The following GABRG2 variants were observed in gnomAD, a reference collection of about 807,000 sequenced individuals.
The protein encoded by GABRG2 is gamma-aminobutyric acid receptor subunit gamma-2.
In GABRG2, 16 loss-of-function variants were observed where a neutral mutation model predicts 56.4. The observed-to-expected ratio is 0.28, with a 90% CI of 0.19 to 0.43. GABRG2 has a LOEUF of 0.43. Among genes scored for constraint, GABRG2 ranks in the 20% least tolerant of loss-of-function variants. The pLI, the probability that GABRG2 is intolerant of heterozygous loss-of-function variation, is 1.00. For synonymous variants in GABRG2, 208 were observed against 205.5 expected, an observed-to-expected ratio of 1.01 and a Z score of -0.10; for missense variants, 327 against 582.7, an observed-to-expected ratio of 0.56 and a Z score of 4.52.
At chr5:162,110,604 T>C (rs2113415707) in intron 6 of GABRG2, among the ~76,000 whole-genome samples, 2 of 152,028 alleles carry the variant, frequency 1.3e-5, no homozygotes, top group South Asian at 4.1e-4. Context: ...TTAATGGTAC[T>C]TTTTAAATTG....
chr5:162,153,332 T>C lies in GABRG2; in HGVS notation c.1392T>C (p.Phe464=). 1 of 1,614,052 alleles carries C rather than the reference T, an allele frequency of 6.2e-7. No homozygotes were observed. Among genetic ancestry groups the C allele is most frequent in the South Asian group, 1.1e-5 (1 of 91,082 alleles). The change falls in exon 10 of 10, where the codon TTT becomes TTC. Residue 464 remains phenylalanine (F), a synonymous_variant. Coordinates refer to ENST00000639213, the MANE Select transcript of GABRG2 (RefSeq NM_198904.4). ...RIFFPTAFCL[F]NLVYWVSYLY... ...TCTTCCCCACTGCCTTCTGCCTGTT[T>C]AATCTGGTCTATTGGGTCTCCTACC... is the stretch of plus-strand genomic sequence containing the variant.
At chr5:162,130,317 G>A (rs1014152208) in intron 6 of GABRG2, among the ~76,000 whole-genome samples, 3 of 151,814 alleles carry the variant, frequency 2.0e-5, no homozygotes, top group African/African-American at 7.3e-5. Context: ...TTGACATCTT[G>A]GGGAACATTT....
chr5:162,078,036 G>T lies in GABRG2; in HGVS notation c.107+9930G>T, dbSNP rs138908275. Among the ~76,000 whole-genome samples, 403 of 152,166 alleles carry T rather than the reference G, an allele frequency of 2.6e-3. 3 individuals are homozygous for T. Among genetic ancestry groups the T allele is most frequent in the African/African-American group, 7.9e-3 (326 of 41,524 alleles). ...CCATCGCTTCTGTCATATGCTGTTGGTGATACAGACCTATCCTGATGTATA... is the reference window on the plus strand; with the variant it reads ...CCATCGCTTCTGTCATATGCTGTTGTTGATACAGACCTATCCTGATGTATA... On this transcript the variant is annotated intron_variant, in intron 1 of 9. Transcript: ENST00000639213.
At chr5:162,068,429 C>G (rs1758397663) in intron 1 of GABRG2, among the ~76,000 whole-genome samples, 1 of 151,716 alleles carries the variant, frequency 6.6e-6, no homozygotes, top group Non-Finnish European at 1.5e-5. Context: ...TGTGCTGATA[C>G]ACGCCGGCAT....
intron 3 of GABRG2, 72 bp from the exon 4 acceptor site, chr5:162,097,566 T>C: frequency 8.6e-7 from 1 of 1,168,928 alleles, no homozygotes; most frequent in Admixed American, 1.7e-5. Context: ...AAAACAGGAA[T>C]GAAATATACC....
chr5:162,075,078 A>G (rs1347152062), intron 1 of GABRG2, among the ~76,000 whole-genome samples: 1 of 152,150 alleles, frequency 6.6e-6, no homozygotes, highest in African/African-American at 2.4e-5. Context: ...TTAAACTTCT[A>G]TCACCTAGCT....
intron 6 of GABRG2, among the ~76,000 whole-genome samples, chr5:162,104,245 A>T (rs948672220): frequency 6.6e-6 from 1 of 152,208 alleles, no homozygotes. Flanking sequence ...AAATTGGATT[A>T]GTAAATTATT....
At chr5:162,074,047 T>C (rs1221994321) in intron 1 of GABRG2, among the ~76,000 whole-genome samples, 1 of 151,960 alleles carries the variant, frequency 6.6e-6, no homozygotes, top group East Asian at 1.9e-4. Flanking sequence ...GTAAAAGTCC[T>C]CTCTAACTTG....
At chr5:162,126,379 A>T (rs1212574307) in intron 6 of GABRG2, among the ~76,000 whole-genome samples, 5 of 151,982 alleles carry the variant, frequency 3.3e-5, no homozygotes, top group African/African-American at 1.2e-4. Context: ...TGATAAATGG[A>T]AAAGCCTATG....
chr5:162,144,448 C>G (rs1764811654), intron 7 of GABRG2, among the ~76,000 whole-genome samples: 1 of 152,148 alleles, frequency 6.6e-6, no homozygotes, highest in Admixed American at 6.5e-5. Flanking sequence ...AAGAAGGGAT[C>G]AAAGTGAGTG....
intron 8 of GABRG2, chr5:162,150,291 G>C (rs1227429416): frequency 2.0e-5 from 3 of 152,150 alleles, no homozygotes; most frequent in South Asian, 4.1e-4. Context: ...CTCTACACAT[G>C]AATGTACTTA....
chr5:162,131,575 A>G (rs945521480), intron 6 of GABRG2, among the ~76,000 whole-genome samples: 1 of 151,964 alleles, frequency 6.6e-6, no homozygotes, highest in Admixed American at 6.6e-5. Flanking sequence ...TAAACAAGGA[A>G]TGAAATAAGC....
intron 1 of GABRG2, among the ~76,000 whole-genome samples, chr5:162,071,660 A>G (rs1236682712): frequency 1.3e-5 from 2 of 151,986 alleles, no homozygotes; most frequent in African/African-American, 4.8e-5. Context: ...GCATGTAGAA[A>G]AAAATATTTT....
intron 7 of GABRG2, among the ~76,000 whole-genome samples, chr5:162,145,359 G>T (rs1167164396): frequency 1.3e-5 from 2 of 152,150 alleles, no homozygotes; most frequent in Non-Finnish European, 2.9e-5. Flanking sequence ...TTGAGGTGAG[G>T]TAACATCCCT....
intron 6 of GABRG2, among the ~76,000 whole-genome samples, chr5:162,113,811 A>G (rs1463487324): frequency 6.6e-6 from 1 of 152,188 alleles, no homozygotes; most frequent in East Asian, 1.9e-4. Context: ...AATCATGGAC[A>G]CCAATTGTAA....
chr5:162,085,564 T>C (rs1760019152), intron 1 of GABRG2, among the ~76,000 whole-genome samples: 1 of 151,576 alleles, frequency 6.6e-6, no homozygotes, highest in Non-Finnish European at 1.5e-5. Context: ...TCTTCTTTTT[T>C]TTTTTACTTT....
At chr5:162,137,147 C>G (rs1764194663) in intron 6 of GABRG2, among the ~76,000 whole-genome samples, 1 of 152,120 alleles carries the variant, frequency 6.6e-6, no homozygotes, top group Admixed American at 6.6e-5. Context: ...ATCCCTTAAG[C>G]TCAGGGATTG....
intron 1 of GABRG2, among the ~76,000 whole-genome samples, chr5:162,075,123 G>A (rs935653508): frequency 1.3e-5 from 2 of 152,110 alleles, no homozygotes; most frequent in Non-Finnish European, 2.9e-5. Flanking sequence ...GGCACTGAGG[G>A]TTGTTTTACT....
At chr5:162,151,006 A>G (rs940272020) in intron 8 of GABRG2, 5 of 152,068 alleles carry the variant, frequency 3.3e-5, no homozygotes, top group African/African-American at 9.7e-5. Flanking sequence ...AGGTGGTTCT[A>G]TTGAGAGTTG....
Sources: gnomAD v4.1 joint callset for allele counts (sites outside exome capture counted in the v4.1 genomes callset) on GRCh38, gnomAD v4.1.1 for gene constraint, MANE v1.5 for transcripts, NCBI Gene and HGNC (gene_info 2026-07-23, HGNC 2026-07-21) for gene names.